Variants in METTL4 observed in about 807,000 individuals in gnomAD.
METTL4 encodes N(6)-adenine-specific methyltransferase METTL4.
In METTL4, 40 loss-of-function variants were observed where a neutral mutation model predicts 54.0. The observed-to-expected ratio is 0.74, with a 90% CI of 0.58 to 0.96. The LOEUF (loss-of-function observed/expected upper bound fraction) is 0.96. METTL4 is among the 50% of genes least tolerant of loss of function. The pLI is 0.00. For synonymous variants in METTL4, 169 were observed against 183.8 expected (o/e 0.92, Z 0.65); for missense variants, 525 against 549.0 (o/e 0.96, Z 0.44).
At chr18:2,539,292 C>A (rs1166446355) in intron 8 of METTL4, 147 bp from the exon 9 acceptor site, 1 of 680,276 alleles carries the variant, frequency 1.5e-6, no homozygotes, top group Non-Finnish European at 2.4e-6. Flanking sequence ...ACAGGCTTTA[C>A]TATTTATAGT....
chr18:2,546,529 T>C (rs2072072816), intron 6 of METTL4, among the ~76,000 whole-genome samples: 1 of 152,008 alleles, frequency 6.6e-6, no homozygotes, highest in Admixed American at 6.6e-5. Context: ...GATATTCCAG[T>C]AGATGAAAAA....
intron 5 of METTL4, among the ~76,000 whole-genome samples, chr18:2,549,760 T>A (rs1233540122): frequency 1.4e-5 from 2 of 143,420 alleles, no homozygotes; most frequent in Non-Finnish European, 3.0e-5. Context: ...GGCAAGTGTA[T>A]CACCTGAGGA....
At chr18:2,558,044 T>G (rs938322137) in intron 3 of METTL4, among the ~76,000 whole-genome samples, 5 of 152,232 alleles carry the variant, frequency 3.3e-5, no homozygotes, top group Non-Finnish European at 7.3e-5. Context: ...ACAGAAGTTC[T>G]GAAAAACACT....
intron 1 of METTL4, 124 bp from the exon 2 acceptor site, chr18:2,567,778 A>G (rs1309106823): frequency 6.6e-6 from 1 of 152,268 alleles, no homozygotes; most frequent in African/African-American, 2.4e-5. Context: ...CGTTTTTGCA[A>G]ACTACACTTG....
intron 6 of METTL4, among the ~76,000 whole-genome samples, chr18:2,546,547 C>A (rs1398618077): frequency 6.6e-6 from 1 of 151,984 alleles, no homozygotes; most frequent in Non-Finnish European, 1.5e-5. Context: ...AAAGTATACA[C>A]AAAGCCATAA....
At chr18:2,540,527 A>G (rs974282606) in intron 8 of METTL4, 1 of 985,422 alleles carries the variant, frequency 1.0e-6, no homozygotes, top group South Asian at 4.7e-5. Context: ...GGTCCTGTTT[A>G]GCAAAAATCA....
At chr18:2,540,879 A>T in intron 8 of METTL4, 1 of 985,422 alleles carries the variant, frequency 1.0e-6, no homozygotes, top group Non-Finnish European at 1.2e-6. Flanking sequence ...AGAAATTTAA[A>T]CTGGAGTCAG....
In METTL4 at chr18:2,564,946, T is replaced by C. The variant is rs182239550; in HGVS notation, c.397-1087A>G. On this transcript the variant is annotated intron_variant, in intron 2 of 8. Transcript: ENST00000574538. The stretch of plus-strand genomic sequence containing the variant: ...AGACCTCGGACAATGCTAAATATTT[T>C]CTTTTCTGTGTGTGACACGTAGTAA... 4.6e-5 allele frequency among the ~76,000 whole-genome samples: 7 copies of C among 152,324 alleles called. No individual in the cohort carries two copies. In the East Asian group the frequency reaches 1.2e-3, roughly 25 times the overall value.
chr18:2,565,135 C>A (rs1458052276), intron 2 of METTL4, among the ~76,000 whole-genome samples: 1 of 151,914 alleles, frequency 6.6e-6, no homozygotes, highest in African/African-American at 2.4e-5. Flanking sequence ...AAAAATTGGC[C>A]GGGTATGGTG....
In METTL4 at chr18:2,540,094, T is replaced by G. The variant is rs1031927792; in HGVS notation, c.1274-949A>C. 10 of 978,260 alleles carry G rather than the reference T, an allele frequency of 1.0e-5. 1 individual carries two copies. The Middle Eastern group carries it at 1.6e-3, about 155-fold the overall frequency. The allele number at this position is 978,260 out of a possible 1,614,324, so 60.6% of individuals were successfully genotyped here. A position where few individuals can be genotyped will look rare whatever the true frequency, so the allele number is the denominator to read the frequency against. On this transcript the variant is annotated intron_variant, in intron 8 of 8. Coordinates refer to ENST00000574538, the MANE Select transcript of METTL4 (RefSeq NM_022840.5). The stretch of plus-strand genomic sequence containing the variant: ...GTATTCCTTGTATTATTCAATGTAT[T>G]AATAACTACTGAACATTGTATTTTG...
At chr18:2,555,230 A>T (rs2072222129) in intron 3 of METTL4, 192 bp from the exon 4 acceptor site, 15 of 593,328 alleles carry the variant, frequency 2.5e-5, no homozygotes, top group Non-Finnish European at 2.9e-6. Flanking sequence ...GAGTGAAACA[A>T]CCCTCACAAA....
At chr18:2,561,551 T>C (rs1415561146) in intron 3 of METTL4, 1 of 152,244 alleles carries the variant, frequency 6.6e-6, no homozygotes, top group Non-Finnish European at 1.5e-5. Context: ...AACTAGATGT[T>C]ATCATTGATC....
rs774057260 is a variant in METTL4 at position 2,544,192 on chromosome 18, T to A, written c.1273+3A>T. On this transcript the variant is annotated splice_donor_region_variant and intron_variant, in intron 8 of 8. Transcript: ENST00000574538. ...ATAACAATTCTATTTTATAAAAACATACCAGCAAGCGGTGGCTTATGTGAG... is the reference window on the plus strand; with the variant it reads ...ATAACAATTCTATTTTATAAAAACAAACCAGCAAGCGGTGGCTTATGTGAG... The A allele has an allele frequency of 1.3e-6, 2 of 1,594,194 alleles. No homozygotes were observed. Among genetic ancestry groups the A allele is most frequent in the South Asian group, 2.3e-5 (2 of 87,226 alleles).
chr18:2,555,792 T>C (rs758533674), intron 3 of METTL4, among the ~76,000 whole-genome samples: 5 of 149,904 alleles, frequency 3.3e-5, no homozygotes, highest in Non-Finnish European at 5.9e-5. Flanking sequence ...ACAAAATATG[T>C]TTGTTTGTTT....
chr18:2,558,967 A>C (rs2072276663), intron 3 of METTL4, among the ~76,000 whole-genome samples: 1 of 152,220 alleles, frequency 6.6e-6, no homozygotes, highest in African/African-American at 2.4e-5. Flanking sequence ...CAAAAACAAA[A>C]GTGTCGGCAA....
rs1371537362 is a variant in METTL4 at position 2,552,826 on chromosome 18, CAT to C, written c.830-64_830-63del. On this transcript the variant is annotated intron_variant, in intron 4 of 8. Transcript: ENST00000574538. ...CTATGTGATCACTTTAAAAACTAAA[CAT>C]GTTCTTCAAAACTCAAGTGATTTCA... 34 of 1,098,042 alleles carry C rather than the reference CAT, an allele frequency of 3.1e-5. No homozygotes were observed. In the East Asian group the frequency reaches 8.2e-4, roughly 26 times the overall value. 68.0% of individuals were successfully genotyped at this position (1,098,042 alleles called of 1,614,324 possible). A position where few individuals can be genotyped will look rare whatever the true frequency, so the allele number is the denominator to read the frequency against.
rs1457135978 is a variant in METTL4 at position 2,544,237 on chromosome 18, T to C, written c.1231A>G (p.Ser411Gly). 6.2e-7 allele frequency: 1 copy of C among 1,613,586 alleles called. No individual in the cohort carries two copies. The highest frequency in any genetic ancestry group is 8.5e-7 in the Non-Finnish European group (1 of 1,179,844). ...LPIPDHKLIV[S>G]VPCTLHSHKP... ...TGTGAGTGAAGAGTACAGGGCACGCTGACAATTAATTTGTGGTCTGGAATG... is the reference window on the plus strand; with the variant it reads ...TGTGAGTGAAGAGTACAGGGCACGCCGACAATTAATTTGTGGTCTGGAATG... The change falls in exon 8 of 9, where the codon AGC becomes GGC. Residue 411 changes from serine to glycine, a missense_variant. By Grantham distance (56) the Ser-to-Gly change is moderately conservative. Coordinates refer to ENST00000574538, the MANE Select transcript of METTL4 (RefSeq NM_022840.5).
intron 5 of METTL4, among the ~76,000 whole-genome samples, chr18:2,550,957 G>T (rs1370818807): frequency 1.3e-5 from 2 of 151,772 alleles, no homozygotes; most frequent in Non-Finnish European, 2.9e-5. Flanking sequence ...GAGGTCAGGA[G>T]ATCGAGACCA....
intron 3 of METTL4, among the ~76,000 whole-genome samples, chr18:2,559,165 C>G (rs1349991854): frequency 6.6e-6 from 1 of 152,158 alleles, no homozygotes; most frequent in African/African-American, 2.4e-5. Flanking sequence ...ATTTGTACAC[C>G]TGTCTTCAGA....
Sources: allele counts gnomAD v4.1 joint callset (sites outside exome capture counted in the v4.1 genomes callset), GRCh38; gene constraint gnomAD v4.1.1; transcripts MANE v1.5; gene names NCBI Gene and HGNC (gene_info 2026-07-23, HGNC 2026-07-21).